Variants in ACSL3 observed in about 807,000 individuals in gnomAD.
ACSL3 encodes the protein acyl-CoA synthetase long chain family member 3.
Under a neutral mutation model 84.7 loss-of-function variants are expected in ACSL3, and 34 were observed. The observed-to-expected ratio is 0.40, with a 90% CI of 0.31 to 0.53. The LOEUF (loss-of-function observed/expected upper bound fraction) is 0.53, where lower values mean the gene tolerates loss of function less well. Ranked by LOEUF, ACSL3 falls within the 20% of genes least tolerant of loss-of-function variation. The pLI is 0.48. For missense variants in ACSL3, 680 were observed against 873.1 expected, an observed-to-expected ratio of 0.78 and a Z score of 2.79; for synonymous variants, 315 against 299.4, an observed-to-expected ratio of 1.05 and a Z score of -0.54.
At chr2:222,878,511 TC>T (rs1695512082) in intron 1 of ACSL3, among the ~76,000 whole-genome samples, 1 of 152,186 alleles carries the variant, frequency 6.6e-6, no homozygotes, top group Admixed American at 6.5e-5. Context: ...TGTTTCCTGT[TC>T]CTTTACCTTT....
intron 1 of ACSL3, among the ~76,000 whole-genome samples, 151 bp downstream of exon 1, chr2:222,861,409 G>C (rs1016238977): frequency 6.6e-6 from 1 of 151,742 alleles, no homozygotes; most frequent in Non-Finnish European, 1.5e-5. Flanking sequence ...GCGCGCGGGC[G>C]GCCCGCGGCA....
Position 222,908,883 on chromosome 2 carries a change from A to T in ACSL3, c.111A>T (p.Thr37=). The T allele has an allele frequency of 6.2e-7, 1 of 1,611,206 alleles. No individual in the cohort carries two copies. The highest frequency in any genetic ancestry group is 8.5e-7 in the Non-Finnish European group (1 of 1,178,182). ...HFLISLYTIL[T]YIPFYFFSES... ...TAATATCACTTTATACTATTTTAAC[A>T]TACATTCCGTTTTATTTTTTCTCCG... Residue 37 remains threonine (T), a synonymous_variant, in exon 4 of 17, where the codon ACA becomes ACT. Transcript: ENST00000357430.
intron 6 of ACSL3, among the ~76,000 whole-genome samples, chr2:222,918,719 T>C (rs202214742): frequency 1.3e-5 from 2 of 149,644 alleles, no homozygotes; most frequent in Admixed American, 1.3e-4. Flanking sequence ...CCTTCCCCCA[T>C]ATATTTTTAT....
chr2:222,868,314 T>G (rs184418217), intron 1 of ACSL3, among the ~76,000 whole-genome samples: 2 of 152,370 alleles, frequency 1.3e-5, no homozygotes, highest in Admixed American at 1.3e-4. Flanking sequence ...GTATTTAATT[T>G]CTATGTCTCA....
intron 12 of ACSL3, 147 bp downstream of exon 12, chr2:222,927,336 A>G (rs1406417055): frequency 1.3e-5 from 10 of 783,340 alleles, no homozygotes; most frequent in Non-Finnish European, 1.3e-5. Flanking sequence ...GATCATTGAT[A>G]TCAATTTTTA....
At chr2:222,919,286 T>G in intron 7 of ACSL3, 84 bp downstream of exon 7, 1 of 1,515,732 alleles carries the variant, frequency 6.6e-7, no homozygotes, top group South Asian at 1.3e-5. Context: ...GATTCTGAGG[T>G]TAGCTCAAAT....
intron 14 of ACSL3, 161 bp from the exon 15 acceptor site, chr2:222,933,005 G>T: frequency 1.7e-5 from 8 of 482,730 alleles, no homozygotes; most frequent in Non-Finnish European, 2.2e-5. Context: ...ATTTTAATAT[G>T]TGCTTTTAAT....
intron 1 of ACSL3, among the ~76,000 whole-genome samples, chr2:222,881,702 G>C (rs575280836): frequency 1.3e-5 from 2 of 152,286 alleles, no homozygotes; most frequent in Non-Finnish European, 2.9e-5. Flanking sequence ...TTTTAGTAGA[G>C]ATGGGGTTTC....
chr2:222,892,322 C>T (rs894659975), intron 2 of ACSL3, among the ~76,000 whole-genome samples: 17 of 152,062 alleles, frequency 1.1e-4, no homozygotes, highest in Non-Finnish European at 1.5e-5. Flanking sequence ...GTTTTAAAAC[C>T]ATTCTCTTGA....
chr2:222,919,655 C>T (rs1696679115), intron 7 of ACSL3, among the ~76,000 whole-genome samples: 1 of 152,172 alleles, frequency 6.6e-6, no homozygotes, highest in Non-Finnish European at 1.5e-5. Context: ...GGCATGGTGA[C>T]TCTACAAGTT....
In ACSL3 at chr2:222,908,810, A is replaced by C. The variant is rs1195846569; in HGVS notation, c.38A>C (p.Lys13Thr). The C allele has an allele frequency of 6.2e-7, 1 of 1,605,202 alleles. No individual in the cohort carries two copies. The highest frequency in any genetic ancestry group is 8.5e-7 in the Non-Finnish European group (1 of 1,177,410). The change falls in exon 4 of 17, where the codon AAG becomes ACG. Residue 13 changes from lysine to threonine, a missense_variant. Lys to Thr is a moderately conservative substitution (Grantham distance 78). Transcript: ENST00000357430. Reference sequence around the variant, plus strand: ...GTGTCTTCAAAACCATCTACCATGAAGCTAAAACATACCATCAACCCTATT... The same window carrying C: ...GTGTCTTCAAAACCATCTACCATGACGCTAAAACATACCATCAACCCTATT... ...NHVSSKPSTM[K>T]LKHTINPILL...
At chr2:222,936,017 T>C (rs1697162465) in intron 16 of ACSL3, among the ~76,000 whole-genome samples, 1 of 152,208 alleles carries the variant, frequency 6.6e-6, no homozygotes, top group Non-Finnish European at 1.5e-5. Context: ...TCATACGGTA[T>C]TTATTCTTTT....
At chr2:222,898,109 T>C (rs935100127) in intron 2 of ACSL3, among the ~76,000 whole-genome samples, 5 of 152,190 alleles carry the variant, frequency 3.3e-5, no homozygotes, top group African/African-American at 1.2e-4. Context: ...CTCTCAGGCT[T>C]CCTCTTTTAT....
intron 8 of ACSL3, 151 bp downstream of exon 8, chr2:222,921,581 A>G: frequency 1.5e-6 from 1 of 685,098 alleles, no homozygotes; most frequent in South Asian, 4.0e-5. Context: ...AGGACATTAA[A>G]ATTAATGGCA....
chr2:222,881,353 T>C (rs923338110), intron 1 of ACSL3, among the ~76,000 whole-genome samples: 1 of 152,280 alleles, frequency 6.6e-6, no homozygotes, highest in Non-Finnish European at 1.5e-5. Context: ...CTTCTTGATA[T>C]ATAATAATTA....
At chr2:222,908,185 G>A (rs16864223) in intron 3 of ACSL3, among the ~76,000 whole-genome samples, 1,940 of 152,250 alleles carry the variant, frequency 0.013, 45 homozygotes, top group African/African-American at 0.043. Context: ...GCTTTCTTGC[G>A]TCATAGTTTA....
intron 1 of ACSL3, among the ~76,000 whole-genome samples, chr2:222,866,644 A>G (rs1695148898): frequency 6.9e-6 from 1 of 143,980 alleles, no homozygotes; most frequent in Non-Finnish European, 1.5e-5. Context: ...TTAACCTTTG[A>G]AGGCATGATT....
rs550387110 is a variant in ACSL3, at chr2:222,867,195, C to T, written c.-207+5937C>T. Among the ~76,000 whole-genome samples the T allele has an allele frequency of 3.9e-5, 6 of 152,194 alleles. No individual in the cohort carries two copies. The East Asian group carries it at 5.8e-4, about 15-fold the overall frequency. Reference sequence around the variant, plus strand: ...GATGCTTTCCCCTTTAACCTTACTTCGCAGGAATTGTTATTGACTTTTTAG... The same window carrying T: ...GATGCTTTCCCCTTTAACCTTACTTTGCAGGAATTGTTATTGACTTTTTAG... On this transcript the variant is annotated intron_variant, in intron 1 of 16. Transcript: ENST00000357430.
At chr2:222,912,275 G>A (rs1696463456) in intron 4 of ACSL3, among the ~76,000 whole-genome samples, 1 of 152,154 alleles carries the variant, frequency 6.6e-6, no homozygotes, top group Admixed American at 6.6e-5. Context: ...CTGCAGAGTG[G>A]GTATCTCAGC....
Sources: gnomAD v4.1 joint callset for allele counts (sites outside exome capture counted in the v4.1 genomes callset) on GRCh38, gnomAD v4.1.1 for gene constraint, MANE v1.5 for transcripts, NCBI Gene and HGNC (gene_info 2026-07-23, HGNC 2026-07-21) for gene names.